Variants in METTL16 observed in about 807,000 individuals in gnomAD.
METTL16 encodes RNA N(6)-adenosine-methyltransferase METTL16.
A neutral mutation model predicts 57.9 loss-of-function variants in METTL16; 19 were observed. The observed-to-expected ratio is 0.33, with a 90% confidence interval of 0.23 to 0.48. The LOEUF (loss-of-function observed/expected upper bound fraction) is 0.48. Among genes scored for constraint, METTL16 ranks in the 20% least tolerant of loss-of-function variants. METTL16 has a pLI of 0.99. For missense variants in METTL16, 434 were observed against 691.5 expected (o/e 0.63, Z 4.18); for synonymous variants, 246 against 255.6 (o/e 0.96, Z 0.36).
intron 8 of METTL16, among the ~76,000 whole-genome samples, chr17:2,435,319 G>C (rs1257975416): frequency 2.6e-5 from 4 of 152,108 alleles, no homozygotes; most frequent in Non-Finnish European, 5.9e-5. Flanking sequence ...TGGGGAAATA[G>C]GTCAATGTTT....
chr17:2,424,727 T>C (rs1322398436), intron 8 of METTL16, among the ~76,000 whole-genome samples: 1 of 151,920 alleles, frequency 6.6e-6, no homozygotes, highest in African/African-American at 2.4e-5. Context: ...GGTGGGTGGA[T>C]CACAAGGTCG....
intron 2 of METTL16, among the ~76,000 whole-genome samples, chr17:2,487,626 A>C (rs1219438777): frequency 6.6e-6 from 1 of 152,202 alleles, no homozygotes; most frequent in Admixed American, 6.5e-5. Flanking sequence ...TGAAAATCAG[A>C]GTCAGTGACA....
intron 7 of METTL16, among the ~76,000 whole-genome samples, chr17:2,439,344 T>G (rs1159294418): frequency 6.6e-6 from 1 of 152,060 alleles, no homozygotes; most frequent in African/African-American, 2.4e-5. Flanking sequence ...ATTCCTAGGT[T>G]CAAGCAATCT....
chr17:2,441,632 G>C, intron 6 of METTL16, 73 bp from the exon 7 acceptor site: 1 of 912,096 alleles, frequency 1.1e-6, no homozygotes, highest in Non-Finnish European at 1.6e-6. Context: ...TTATTCAAGT[G>C]AATAAGATGA....
chr17:2,482,163 T>C (rs918941464), intron 2 of METTL16, among the ~76,000 whole-genome samples: 2 of 152,182 alleles, frequency 1.3e-5, no homozygotes, highest in Non-Finnish European at 2.9e-5. Flanking sequence ...AGTTAATCAA[T>C]TGAGATAAAT....
rs186399713 is a variant in METTL16 at position 2,507,753 on chromosome 17, T to C, written c.-1+4006A>G. Reference sequence around the variant, plus strand: ...GTGGCTGTGTAGAAAGAGGTAGACATGGGAGACTTTTCATTTTGTTCTGTA... The same window carrying C: ...GTGGCTGTGTAGAAAGAGGTAGACACGGGAGACTTTTCATTTTGTTCTGTA... On this transcript the variant is annotated intron_variant, in intron 1 of 9. Coordinates refer to ENST00000263092, the MANE Select transcript of METTL16 (RefSeq NM_024086.4). Among the ~76,000 whole-genome samples the C allele has an allele frequency of 6.8e-3, 1,043 of 152,270 alleles. 15 individuals are homozygous for C. The highest frequency in any genetic ancestry group is 0.024 in the African/African-American group (987 of 41,556).
intron 2 of METTL16, among the ~76,000 whole-genome samples, chr17:2,494,873 C>A (rs775588545): frequency 6.6e-6 from 1 of 151,948 alleles, no homozygotes; most frequent in East Asian, 1.9e-4. Context: ...TGGCGTGCAC[C>A]TGTAGTCCCA....
chr17:2,427,698 C>G (rs1300563949), intron 8 of METTL16, among the ~76,000 whole-genome samples: 1 of 152,014 alleles, frequency 6.6e-6, no homozygotes, highest in Non-Finnish European at 1.5e-5. Context: ...CCGCCTCAGC[C>G]TCCTGAGTAG....
rs191677280 is a variant in METTL16 at position 2,434,167 on chromosome 17, G to C, written c.888+3942C>G. Among the ~76,000 whole-genome samples, 239 of 152,262 alleles carry C rather than the reference G, an allele frequency of 1.6e-3. 3 individuals carry two copies. The highest frequency in any genetic ancestry group is 5.3e-3 in the African/African-American group (221 of 41,536). On this transcript the variant is annotated intron_variant, in intron 8 of 9. Coordinates refer to ENST00000263092, the MANE Select transcript of METTL16 (RefSeq NM_024086.4). ...CATCTTGTAGCATAATGCACAGCCT[G>C]GTACAGTACTGGTTTTCAAACTATT...
intron 6 of METTL16, among the ~76,000 whole-genome samples, chr17:2,453,690 C>T (rs2067087879): frequency 6.6e-6 from 1 of 152,298 alleles, no homozygotes; most frequent in Admixed American, 6.5e-5. Flanking sequence ...TTTCAAATTT[C>T]CCTTTGCCAA....
chr17:2,422,763 G>A (rs916459122), intron 8 of METTL16, among the ~76,000 whole-genome samples: 2 of 152,042 alleles, frequency 1.3e-5, no homozygotes, highest in Non-Finnish European at 2.9e-5. Context: ...GCGGCCGGAT[G>A]GATTGAGCTC....
intron 6 of METTL16, among the ~76,000 whole-genome samples, chr17:2,453,159 C>A (rs746643966): frequency 6.6e-6 from 1 of 152,134 alleles, no homozygotes; most frequent in African/African-American, 2.4e-5. Context: ...TGCGCCCCCA[C>A]GGAAACAAGT....
At chr17:2,431,529 A>T (rs1475127071) in intron 8 of METTL16, among the ~76,000 whole-genome samples, 5 of 152,180 alleles carry the variant, frequency 3.3e-5, no homozygotes, top group African/African-American at 1.2e-4. Flanking sequence ...GAGCAAGCTC[A>T]GCTCTCATAA....
intron 2 of METTL16, among the ~76,000 whole-genome samples, 188 bp from the exon 3 acceptor site, chr17:2,478,073 G>A (rs1424746120): frequency 2.0e-5 from 3 of 152,144 alleles, no homozygotes; most frequent in Admixed American, 2.0e-4. Flanking sequence ...ATGAAAATCA[G>A]TACAATCCTC....
chr17:2,494,050 TTTTC>T (rs2067422074), intron 2 of METTL16, among the ~76,000 whole-genome samples: 1 of 152,204 alleles, frequency 6.6e-6, no homozygotes, highest in African/African-American at 2.4e-5. Flanking sequence ...TTTTAATTTC[TTTTC>T]TTTTTGTTTT....
chr17:2,503,475 G>A (rs777973748), intron 1 of METTL16, among the ~76,000 whole-genome samples: 11 of 150,556 alleles, frequency 7.3e-5, no homozygotes, highest in Non-Finnish European at 1.6e-4. Context: ...AATAAATATG[G>A]GTCAACAAAA....
chr17:2,447,539 C>T (rs1192277445), intron 6 of METTL16, among the ~76,000 whole-genome samples: 6 of 119,658 alleles, frequency 5.0e-5, no homozygotes, highest in African/African-American at 8.5e-5. Flanking sequence ...AGTGAGGAGC[C>T]CCTCTGCCTG....
intron 2 of METTL16, among the ~76,000 whole-genome samples, chr17:2,490,402 G>A (rs1442137169): frequency 1.3e-5 from 2 of 152,108 alleles, no homozygotes; most frequent in Non-Finnish European, 2.9e-5. Flanking sequence ...TGGGGGAGAA[G>A]ACGACGAATG....
chr17:2,502,896 G>C (rs2067500085), intron 1 of METTL16, among the ~76,000 whole-genome samples: 1 of 151,988 alleles, frequency 6.6e-6, no homozygotes, highest in Non-Finnish European at 1.5e-5. Flanking sequence ...CACTAGGATG[G>C]CTGCTGTCAA....
Sources: allele counts gnomAD v4.1 joint callset (sites outside exome capture counted in the v4.1 genomes callset), GRCh38; gene constraint gnomAD v4.1.1; transcripts MANE v1.5; gene names NCBI Gene and HGNC (gene_info 2026-07-23, HGNC 2026-07-21).